MAST2: variants seen among roughly 807,000 people sequenced by gnomAD.
MAST2 encodes the protein microtubule-associated serine/threonine-protein kinase 2.
In MAST2, 70 loss-of-function variants were observed where a neutral mutation model predicts 147.4. The observed-to-expected ratio is 0.47, with a 90% confidence interval of 0.39 to 0.58. MAST2 has a LOEUF of 0.58. Among genes scored for constraint, MAST2 ranks in the 20% least tolerant of loss-of-function variants. MAST2 has a pLI of 0.00. For synonymous variants in MAST2, 869 were observed against 896.8 expected (o/e 0.97, Z 0.55); for missense variants, 2,080 against 2,302.3 (o/e 0.90, Z 1.98).
At chr1:46,032,839 G>C (rs1174164346) in intron 26 of MAST2, 121 bp downstream of exon 26, 4 of 1,356,510 alleles carry the variant, frequency 2.9e-6, no homozygotes, top group African/African-American at 2.9e-5. Flanking sequence ...ATGGATGTAG[G>C]TACACACAGG....
intron 4 of MAST2, among the ~76,000 whole-genome samples, chr1:45,930,523 C>T (rs1238142258): frequency 6.6e-6 from 1 of 151,960 alleles, no homozygotes; most frequent in Non-Finnish European, 1.5e-5. Context: ...GCATACTAGG[C>T]CCTCTGAGCA....
Position 45,811,155 on chromosome 1 carries a change from G to A in MAST2, c.177+7083G>A, listed in dbSNP as rs961458539. On this transcript the variant is annotated intron_variant, in intron 1 of 28. Transcript: ENST00000361297. ...CGTGGGCCACCGTGCCTAGCCGAGA[G>A]CAGTATATTTCTTTTTTTTTTTTTT... is the stretch of plus-strand genomic sequence containing the variant. 1.0e-4 allele frequency among the ~76,000 whole-genome samples: 15 copies of A among 147,424 alleles called. No homozygotes were observed. In the East Asian group the frequency reaches 1.2e-3, roughly 12 times the overall value.
chr1:45,839,179 A>G (rs1052836652), intron 3 of MAST2, among the ~76,000 whole-genome samples: 8 of 139,862 alleles, frequency 5.7e-5, no homozygotes, highest in African/African-American at 2.2e-4. Context: ...GCCAGGCTAG[A>G]GTGCAATGGC....
intron 4 of MAST2, among the ~76,000 whole-genome samples, chr1:45,947,481 T>G (rs563743727): frequency 6.6e-5 from 10 of 152,302 alleles, no homozygotes; most frequent in African/African-American, 2.4e-4. Flanking sequence ...TTGTTAGATA[T>G]TATCATTGTT....
At chr1:46,013,177 C>T (rs1026542582) in intron 10 of MAST2, among the ~76,000 whole-genome samples, 27 of 152,154 alleles carry the variant, frequency 1.8e-4, no homozygotes, top group African/African-American at 5.1e-4. Flanking sequence ...TCTTCACAAC[C>T]GTGTAAGAAA....
intron 5 of MAST2, among the ~76,000 whole-genome samples, chr1:45,960,734 A>G (rs1254680062): frequency 6.6e-6 from 1 of 152,196 alleles, no homozygotes; most frequent in Non-Finnish European, 1.5e-5. Context: ...GGAAGATCTA[A>G]ACCTACAGTT....
chr1:46,005,188 C>T (rs4660906), intron 7 of MAST2, among the ~76,000 whole-genome samples: 51,546 of 152,008 alleles, frequency 0.34, 9,127 homozygotes, highest in African/African-American at 0.43. Flanking sequence ...CGTGGAAAAA[C>T]CCCATCTTTA....
chr1:46,002,099 C>T (rs1645296798), intron 6 of MAST2, among the ~76,000 whole-genome samples: 1 of 152,032 alleles, frequency 6.6e-6, no homozygotes, highest in Non-Finnish European at 1.5e-5. Context: ...AAGCAAATAA[C>T]TGTGGCGGGG....
At position 45,824,499 on chromosome 1, in the gene MAST2, A is replaced by G. The variant is rs1435207291; in HGVS notation, c.244A>G (p.Thr82Ala). Reference protein sequence around the residue: ...KLSNPDIFSSTGKVKLQRQLS... With the variant: ...KLSNPDIFSSAGKVKLQRQLS... Reference sequence around the variant, plus strand: ...CAGTAATCCTGACATATTTTCATCCACTGGAAAAGTTAAACTTCAGCGACA... The same window carrying G: ...CAGTAATCCTGACATATTTTCATCCGCTGGAAAAGTTAAACTTCAGCGACA... Residue 82 changes from threonine (T) to alanine (A), a missense_variant, in exon 2 of 29, where the codon ACT (threonine) becomes GCT (alanine). By Grantham distance (58) the Thr-to-Ala change is moderately conservative. This residue lies in a region of MAST2 where 569 missense variants were observed against 642.5 expected (regional missense o/e 0.89). Coordinates refer to ENST00000361297, the MANE Select transcript of MAST2 (RefSeq NM_015112.3). 1 of 1,612,602 alleles carries G rather than the reference A, an allele frequency of 6.2e-7. No individual in the cohort carries two copies. Among genetic ancestry groups the G allele is most frequent in the South Asian group, 1.1e-5 (1 of 90,774 alleles).
intron 3 of MAST2, among the ~76,000 whole-genome samples, chr1:45,839,690 G>A (rs10789476): frequency 0.8 from 121,272 of 152,190 alleles, 48,798 homozygotes; most frequent in East Asian, 0.99. Flanking sequence ...TTTCAAATGT[G>A]TATTGAAATG....
At chr1:45,804,940 C>T (rs1308468442) in intron 1 of MAST2, among the ~76,000 whole-genome samples, 1 of 152,118 alleles carries the variant, frequency 6.6e-6, no homozygotes, top group East Asian at 1.9e-4. Context: ...TGACAGCTTT[C>T]CTTTTGTTCA....
chr1:46,030,219 G>A lies in MAST2; in HGVS notation c.2534G>A (p.Cys845Tyr), dbSNP rs370211981. The stretch of plus-strand genomic sequence containing the variant: ...CTTGAGATCCGCCAGTTCTCTTCCT[G>A]CTCTCCAAGGTTCAACAAGGTGTGA... ...GCLEIRQFSS[C>Y]SPRFNKVYSS... is the part of the protein sequence containing the mutation. The change falls in exon 21 of 29, where the codon TGC becomes TAC. Residue 845 changes from cysteine to tyrosine, a missense_variant. Cys to Tyr is a radical substitution (Grantham distance 194). Transcript: ENST00000361297. 2 of 1,614,052 alleles carry A rather than the reference G, an allele frequency of 1.2e-6. No homozygotes were observed. The highest frequency in any genetic ancestry group is 1.7e-6 in the Non-Finnish European group (2 of 1,180,016).
intron 4 of MAST2, among the ~76,000 whole-genome samples, chr1:45,925,505 T>A (rs1654221584): frequency 1.3e-5 from 2 of 152,178 alleles, no homozygotes; most frequent in Non-Finnish European, 2.9e-5. Context: ...AGATTGACTT[T>A]GTGTTGTAAG....
intron 2 of MAST2, among the ~76,000 whole-genome samples, chr1:45,825,812 C>CA (rs1481927641): frequency 1.3e-5 from 2 of 151,886 alleles, no homozygotes. Context: ...TGTGGTGGCT[C>CA]ACGCCCGTAA....
intron 3 of MAST2, 142 bp downstream of exon 3, chr1:45,829,723 A>AT: frequency 3.2e-6 from 3 of 943,396 alleles, no homozygotes; most frequent in Non-Finnish European, 1.5e-6. Context: ...TGAATTTATT[A>AT]TTATTTTTTT....
At position 45,854,963 on chromosome 1, in the gene MAST2, G is replaced by A. The variant is rs1213588257; in HGVS notation, c.468+25382G>A. 2.0e-5 allele frequency among the ~76,000 whole-genome samples: 3 copies of A among 152,344 alleles called. No homozygotes were observed. The South Asian group carries it at 6.2e-4, about 32-fold the overall frequency. Reference sequence around the variant, plus strand: ...TAGGATGAGGCAGGTGGGAAGGAGTGTGGAGCTTCACCCGCTCTGGGCTCA... The same window carrying A: ...TAGGATGAGGCAGGTGGGAAGGAGTATGGAGCTTCACCCGCTCTGGGCTCA... On this transcript the variant is annotated intron_variant, in intron 3 of 28. Coordinates refer to ENST00000361297, the MANE Select transcript of MAST2 (RefSeq NM_015112.3).
intron 4 of MAST2, among the ~76,000 whole-genome samples, chr1:45,906,595 A>C (rs1178867304): frequency 6.7e-6 from 1 of 148,462 alleles, no homozygotes; most frequent in Non-Finnish European, 1.5e-5. Flanking sequence ...ATAATGTTGT[A>C]TATATTATTG....
At chr1:46,005,823 A>G (rs1325676782) in intron 7 of MAST2, among the ~76,000 whole-genome samples, 1 of 152,158 alleles carries the variant, frequency 6.6e-6, no homozygotes, top group Non-Finnish European at 1.5e-5. Context: ...CTTCTCCTCC[A>G]GATAGCAGCC....
intron 4 of MAST2, among the ~76,000 whole-genome samples, chr1:45,934,425 G>T (rs1219363841): frequency 6.6e-6 from 1 of 151,926 alleles, no homozygotes; most frequent in Non-Finnish European, 1.5e-5. Context: ...CGCAGAGCTT[G>T]CAGTGAGCTG....
Sources: gnomAD v4.1 joint callset for allele counts (sites outside exome capture counted in the v4.1 genomes callset) on GRCh38, gnomAD v4.1.1 for gene constraint, gnomAD v4.1.1 regional missense constraint, MANE v1.5 for transcripts, NCBI Gene and HGNC (gene_info 2026-07-23, HGNC 2026-07-21) for gene names.